Variants in ANKS1B observed in about 807,000 individuals in gnomAD.
The protein encoded by ANKS1B is ankyrin repeat and sterile alpha motif domain-containing protein 1B.
In ANKS1B, 36 loss-of-function variants were observed where a neutral mutation model predicts 148.3. The observed-to-expected ratio is 0.24, with a 90% CI of 0.19 to 0.32. ANKS1B has a LOEUF of 0.32. Among genes scored for constraint, ANKS1B ranks in the 10% least tolerant of loss-of-function variants. ANKS1B has a pLI of 1.00. For synonymous variants in ANKS1B, 542 were observed against 560.8 expected, an observed-to-expected ratio of 0.97 and a Z score of 0.47; for missense variants, 1,157 against 1,542.6, an observed-to-expected ratio of 0.75 and a Z score of 4.19.
chr12:99,219,307 C>T (rs772875855), intron 14 of ANKS1B, among the ~76,000 whole-genome samples: 30 of 152,128 alleles, frequency 2.0e-4, no homozygotes, highest in Admixed American at 8.5e-4. Flanking sequence ...ACTGATTTTA[C>T]ATCCTAAAAA....
rs183642739 is a variant in ANKS1B at position 99,134,798 on chromosome 12, T to C, written c.2526+19491A>G. 2.2e-4 allele frequency among the ~76,000 whole-genome samples: 33 copies of C among 151,996 alleles called. 1 individual carries two copies. The East Asian group carries it at 6.0e-3, about 28-fold the overall frequency. ...TTCTGGGGAGAGCTGGAGCAACTAG[T>C]ACAGTGGTGTTTGGGACACCCTGAT... On this transcript the variant is annotated intron_variant, in intron 15 of 26. Transcript: ENST00000683438.
chr12:99,465,068 A>C (rs1012581196), intron 10 of ANKS1B, among the ~76,000 whole-genome samples: 7 of 152,226 alleles, frequency 4.6e-5, no homozygotes, highest in Admixed American at 3.9e-4. Flanking sequence ...CACAAAGGGA[A>C]GCCCATCAGA....
chr12:99,831,797 C>T (rs2084049161), intron 1 of ANKS1B, among the ~76,000 whole-genome samples: 3 of 151,840 alleles, frequency 2.0e-5, no homozygotes, highest in Non-Finnish European at 2.9e-5. Flanking sequence ...CTAGAGAGGA[C>T]GCAATTCTTC....
At chr12:98,881,874 A>G (rs956393138) in intron 17 of ANKS1B, among the ~76,000 whole-genome samples, 3 of 152,132 alleles carry the variant, frequency 2.0e-5, no homozygotes, top group Non-Finnish European at 4.4e-5. Context: ...ACAGGAGGTA[A>G]ATTAATATGG....
Position 98,802,562 on chromosome 12 carries a change from G to A in ANKS1B, c.3142-1437C>T, listed in dbSNP as rs79448584. On this transcript the variant is annotated intron_variant, in intron 20 of 26. Coordinates refer to ENST00000683438, the MANE Select transcript of ANKS1B (RefSeq NM_001352186.2). ...ATGAAGTAGCTGCCAATGATAAAAA[G>A]CCCTTTCTAGAGGACTTCAGTAATG... is the stretch of plus-strand genomic sequence containing the variant. Among the ~76,000 whole-genome samples, 945 of 126,570 alleles carry A rather than the reference G, an allele frequency of 7.5e-3. 13 individuals are homozygous for A. The highest frequency in any genetic ancestry group is 0.027 in the African/African-American group (904 of 33,144). The allele number at this position is 126,570 out of a possible 152,430, so 83.0% of individuals were successfully genotyped here. A position where few individuals can be genotyped will look rare whatever the true frequency, so the allele number is the denominator to read the frequency against.
At chr12:99,044,854 T>A (rs2099961297) in intron 17 of ANKS1B, among the ~76,000 whole-genome samples, 1 of 152,120 alleles carries the variant, frequency 6.6e-6, no homozygotes. Context: ...ATCCTCTATT[T>A]ACAAATGAGA....
intron 1 of ANKS1B, among the ~76,000 whole-genome samples, chr12:99,848,568 T>C (rs1031275218): frequency 6.6e-6 from 1 of 152,078 alleles, no homozygotes; most frequent in Non-Finnish European, 1.5e-5. Flanking sequence ...CCCTAATCTA[T>C]ATAGTCCCTT....
intron 9 of ANKS1B, among the ~76,000 whole-genome samples, chr12:99,511,961 T>C (rs1212011446): frequency 6.6e-6 from 1 of 152,030 alleles, no homozygotes; most frequent in African/African-American, 2.4e-5. Context: ...ATAAAAACCC[T>C]AGAAGAAAAT....
At chr12:99,241,676 A>G (rs775618055) in intron 14 of ANKS1B, among the ~76,000 whole-genome samples, 14 of 152,258 alleles carry the variant, frequency 9.2e-5, no homozygotes, top group Non-Finnish European at 1.8e-4. Context: ...TGAATCCAGC[A>G]GCACATCAAG....
intron 12 of ANKS1B, among the ~76,000 whole-genome samples, chr12:99,262,547 A>G (rs1044040734): frequency 6.6e-5 from 10 of 152,098 alleles, no homozygotes; most frequent in African/African-American, 1.9e-4. Flanking sequence ...AAGTAAAGAG[A>G]GAAGAAAGAC....
chr12:99,706,396 T>C (rs1045650323), intron 8 of ANKS1B: 7 of 152,098 alleles, frequency 4.6e-5, no homozygotes, highest in Admixed American at 2.6e-4. Context: ...CTAAAACTTA[T>C]ATAATCTTGA....
At chr12:99,516,473 G>A (rs1314638845) in intron 9 of ANKS1B, among the ~76,000 whole-genome samples, 1 of 152,044 alleles carries the variant, frequency 6.6e-6, no homozygotes, top group African/African-American at 2.4e-5. Context: ...ATTATCCTCA[G>A]CAAACTAACA....
At chr12:98,777,234 A>T (rs994571519) in intron 24 of ANKS1B, among the ~76,000 whole-genome samples, 1 of 152,190 alleles carries the variant, frequency 6.6e-6, no homozygotes, top group Non-Finnish European at 1.5e-5. Context: ...AACAACAGGC[A>T]CTTGTTTAGG....
chr12:99,910,989 T>C (rs919697844), intron 1 of ANKS1B, among the ~76,000 whole-genome samples: 1 of 152,240 alleles, frequency 6.6e-6, no homozygotes, highest in Admixed American at 6.5e-5. Context: ...TATTAAAACC[T>C]TACAAAGTCA....
chr12:99,803,837 C>T (rs1002692395), intron 4 of ANKS1B, among the ~76,000 whole-genome samples: 5 of 152,148 alleles, frequency 3.3e-5, no homozygotes, highest in Non-Finnish European at 7.3e-5. Context: ...TTCTCATGTT[C>T]TCCCTCTTAA....
At chr12:99,702,136 T>C (rs1600093036) in intron 8 of ANKS1B, among the ~76,000 whole-genome samples, 1 of 152,190 alleles carries the variant, frequency 6.6e-6, no homozygotes, top group South Asian at 2.1e-4. Context: ...ATAGTGGCTG[T>C]ACTAATTTAC....
At chr12:99,235,886 T>G (rs7308377) in intron 14 of ANKS1B, among the ~76,000 whole-genome samples, 1 of 152,132 alleles carries the variant, frequency 6.6e-6, no homozygotes, top group Non-Finnish European at 1.5e-5. Flanking sequence ...CACTTAGACC[T>G]GCATATTCTT....
In ANKS1B at chr12:98,791,737, A is replaced by T. The variant is rs950647729; in HGVS notation, c.3342+7197T>A. 3.3e-5 allele frequency among the ~76,000 whole-genome samples: 5 copies of T among 152,172 alleles called. No homozygotes were observed. In the East Asian group the frequency reaches 7.7e-4, roughly 23 times the overall value. On this transcript the variant is annotated intron_variant, in intron 22 of 26. Coordinates refer to ENST00000683438, the MANE Select transcript of ANKS1B (RefSeq NM_001352186.2). The stretch of plus-strand genomic sequence containing the variant: ...TGTGCCCAGCTCAACAGAGACTTTT[A>T]AAAAAATAGTTGTTTAAAAGTTTTT...
At chr12:98,867,159 G>C (rs2099628898) in intron 17 of ANKS1B, among the ~76,000 whole-genome samples, 1 of 152,186 alleles carries the variant, frequency 6.6e-6, no homozygotes, top group Non-Finnish European at 1.5e-5. Flanking sequence ...CAGAGGAGTA[G>C]AGTAATGATT....
Sources: allele counts gnomAD v4.1 joint callset (sites outside exome capture counted in the v4.1 genomes callset), GRCh38; gene constraint gnomAD v4.1.1; transcripts MANE v1.5; gene names NCBI Gene and HGNC (gene_info 2026-07-23, HGNC 2026-07-21).